Variants in CORO2B observed in about 807,000 individuals in gnomAD.
The protein encoded by CORO2B is coronin-2B.
In CORO2B, 26 loss-of-function variants were observed where a neutral mutation model predicts 58.8. The ratio of observed to expected loss-of-function variants is 0.44; its 90% CI spans 0.32 to 0.61. CORO2B has a LOEUF of 0.61. Among genes scored for constraint, CORO2B ranks in the 20% least tolerant of loss-of-function variants. The pLI, the probability that CORO2B is intolerant of heterozygous loss-of-function variation, is 0.04. For synonymous variants in CORO2B, 242 were observed against 253.8 expected, an observed-to-expected ratio of 0.95 and a Z score of 0.44; for missense variants, 460 against 645.1, an observed-to-expected ratio of 0.71 and a Z score of 3.11.
intron 4 of CORO2B, among the ~76,000 whole-genome samples, chr15:68,711,332 G>T (rs1326686085): frequency 6.6e-6 from 1 of 152,190 alleles, no homozygotes; most frequent in East Asian, 1.9e-4. Flanking sequence ...CCAGGCTGGT[G>T]CTGGGATCTG....
intron 1 of CORO2B, among the ~76,000 whole-genome samples, chr15:68,626,955 T>C (rs1900698335): frequency 6.6e-6 from 1 of 151,910 alleles, no homozygotes; most frequent in South Asian, 2.1e-4. Flanking sequence ...CCAATGAGAG[T>C]GCAAAGGGTA....
At chr15:68,592,048 C>T (rs1899720933) in intron 1 of CORO2B, among the ~76,000 whole-genome samples, 1 of 152,132 alleles carries the variant, frequency 6.6e-6, no homozygotes, top group Non-Finnish European at 1.5e-5. Context: ...GCTGCCCAGC[C>T]TTGGGCCCTG....
intron 2 of CORO2B, among the ~76,000 whole-genome samples, chr15:68,655,362 A>G (rs1901771656): frequency 2.0e-5 from 3 of 152,156 alleles, no homozygotes; most frequent in African/African-American, 7.2e-5. Context: ...CTGAAGCCAC[A>G]CAGTCCTCAC....
chr15:68,592,930 A>G (rs1263542195), intron 1 of CORO2B, among the ~76,000 whole-genome samples: 1 of 152,214 alleles, frequency 6.6e-6, no homozygotes, highest in Non-Finnish European at 1.5e-5. Flanking sequence ...GTAACAGAAT[A>G]CCGCAGACTG....
rs993517140 is a variant in CORO2B, at chr15:68,722,805, C to T, written c.1312-3038C>T. Among the ~76,000 whole-genome samples, 59 of 152,292 alleles carry T rather than the reference C, an allele frequency of 3.9e-4. 1 individual carries two copies. The highest frequency in any genetic ancestry group is 3.4e-3 in the Middle Eastern group (1 of 294). ...AATCATGGCTGGGCACGGTGGCTCA[C>T]GCCTATAATCCCAGCACTTTGGGAG... On this transcript the variant is annotated intron_variant, in intron 11 of 11. Coordinates refer to ENST00000261861, the MANE Select transcript of CORO2B (RefSeq NM_006091.5).
chr15:68,668,428 T>C (rs1596001029), intron 2 of CORO2B, among the ~76,000 whole-genome samples: 1 of 152,180 alleles, frequency 6.6e-6, no homozygotes, highest in Non-Finnish European at 1.5e-5. Context: ...CAGACAGTGA[T>C]GGGTGCTGTG....
the CORO2B span, among the ~76,000 whole-genome samples, chr15:68,541,082 G>A: frequency 1.2e-4 from 19 of 152,128 alleles, no homozygotes; most frequent in African/African-American, 4.6e-4. Context: ...ATATTAAAAA[G>A]TTAGCCAGGT....
intron 1 of CORO2B, among the ~76,000 whole-genome samples, chr15:68,589,142 C>G (rs531418477): frequency 4.6e-5 from 7 of 152,136 alleles, no homozygotes; most frequent in Non-Finnish European, 8.8e-5. Context: ...TTTCAGGGTT[C>G]GGATCCACAT....
intron 1 of CORO2B, among the ~76,000 whole-genome samples, chr15:68,620,674 T>C (rs1900490595): frequency 6.6e-6 from 1 of 152,192 alleles, no homozygotes; most frequent in Non-Finnish European, 1.5e-5. Flanking sequence ...TTTTTTAATC[T>C]GAGTCTTATC....
intron 11 of CORO2B, among the ~76,000 whole-genome samples, chr15:68,722,672 G>A (rs1893190212): frequency 6.6e-6 from 1 of 152,160 alleles, no homozygotes; most frequent in Non-Finnish European, 1.5e-5. Flanking sequence ...TAGTGCAAAG[G>A]CAAATAGCAC....
chr15:68,708,447 G>A (rs187417690), intron 3 of CORO2B, among the ~76,000 whole-genome samples: 8 of 138,810 alleles, frequency 5.8e-5, no homozygotes, highest in African/African-American at 1.3e-4. Context: ...TGCAAGCTCC[G>A]CCTCCCAGGC....
chr15:68,646,367 C>G (rs530350269), intron 2 of CORO2B, among the ~76,000 whole-genome samples: 3 of 152,152 alleles, frequency 2.0e-5, no homozygotes, highest in Non-Finnish European at 2.9e-5. Context: ...TCCCACCCTC[C>G]GCCAAATCGC....
At chr15:68,581,245 C>G (rs1020030299) in intron 1 of CORO2B, among the ~76,000 whole-genome samples, 1 of 152,306 alleles carries the variant, frequency 6.6e-6, no homozygotes, top group South Asian at 2.1e-4. Context: ...CCCTCCATGT[C>G]GCTCACCTCC....
At chr15:68,579,308 C>G in intron 1 of CORO2B, 31 bp downstream of exon 1, 4 of 1,280,952 alleles carry the variant, frequency 3.1e-6, no homozygotes, top group Non-Finnish European at 4.0e-6. Flanking sequence ...GCGCCCGGGA[C>G]CCGCCGGCGC....
intron 1 of CORO2B, among the ~76,000 whole-genome samples, chr15:68,628,768 C>A (rs1900749381): frequency 6.6e-6 from 1 of 152,214 alleles, no homozygotes; most frequent in South Asian, 2.1e-4. Context: ...CAGGGCTTAT[C>A]CTGCCTCCTC....
chr15:68,529,687 T>C, the CORO2B span, among the ~76,000 whole-genome samples: 17 of 152,232 alleles, frequency 1.1e-4, no homozygotes, highest in African/African-American at 3.9e-4. Flanking sequence ...TTTGGTTTTG[T>C]TGAGTTTCTC....
Position 68,696,557 on chromosome 15 carries a change from C to CA in CORO2B, c.333+1318dup, listed in dbSNP as rs3985628. On this transcript the variant is annotated intron_variant, in intron 3 of 11. Coordinates refer to ENST00000261861, the MANE Select transcript of CORO2B (RefSeq NM_006091.5). ...TGGGTGACAGAGCAAGACTCTGCCT[C>CA]AAAAAAAAAAAAAAAAAGAATCCAG... Among the ~76,000 whole-genome samples, 146 of 110,034 alleles carry CA rather than the reference C, an allele frequency of 1.3e-3. 8 individuals carry two copies. The highest frequency in any genetic ancestry group is 1.4e-3 in the African/African-American group (41 of 28,748). 72.2% of individuals were successfully genotyped at this position (110,034 alleles called of 152,430 possible).
chr15:68,549,304 C>CTTTTCAATT, the CORO2B span, among the ~76,000 whole-genome samples: 2 of 152,200 alleles, frequency 1.3e-5, no homozygotes, highest in African/African-American at 4.8e-5. Context: ...TGCTTTAGCA[C>CTTTTCAATT]TTTTCAATTT....
chr15:68,549,000 G>A, the CORO2B span, among the ~76,000 whole-genome samples: 1 of 152,038 alleles, frequency 6.6e-6, no homozygotes, highest in African/African-American at 2.4e-5. Context: ...ATTGGTTTAT[G>A]TTTTGTTTCA....
Sources: gnomAD v4.1 joint callset for allele counts (sites outside exome capture counted in the v4.1 genomes callset) on GRCh38, gnomAD v4.1.1 for gene constraint, MANE v1.5 for transcripts, NCBI Gene and HGNC (gene_info 2026-07-23, HGNC 2026-07-21) for gene names.